Variants in ATG7 observed in about 807,000 individuals in gnomAD.
ATG7 encodes ubiquitin-like modifier-activating enzyme ATG7.
Under a neutral mutation model 82.4 loss-of-function variants are expected in ATG7, and 70 were observed. That is an observed-to-expected ratio of 0.85 (90% CI 0.70 to 1.04). ATG7 has a LOEUF of 1.04. ATG7 is among the 50% of genes least tolerant of loss of function. The probability of loss-of-function intolerance (pLI) is 0.00; values close to 1 mark genes in which losing one functional copy is unlikely to be tolerated. For synonymous variants in ATG7, 287 were observed against 313.0 expected (o/e 0.92, Z 0.88); for missense variants, 792 against 864.3 (o/e 0.92, Z 1.05).
At chr3:11,401,825 C>G (rs536536983) in intron 19 of ATG7, among the ~76,000 whole-genome samples, 2 of 152,300 alleles carry the variant, frequency 1.3e-5, no homozygotes, top group East Asian at 3.9e-4. Context: ...TTTTTCTTTG[C>G]TCTAGGGTCT....
At chr3:11,478,988 C>CAACACACACAAACACACACACA (rs548466925) in intron 20 of ATG7, among the ~76,000 whole-genome samples, 1 of 46,018 alleles carries the variant, frequency 2.2e-5, no homozygotes, top group Non-Finnish European at 3.6e-5. Context: ...TGTATATTTA[C>CAACACACACAAACACACACACA]AACACACACA....
intron 20 of ATG7, among the ~76,000 whole-genome samples, chr3:11,470,008 A>AAAAAAAAAAAAG (rs1399975005): frequency 2.1e-5 from 3 of 141,150 alleles, no homozygotes; most frequent in African/African-American, 8.0e-5. Flanking sequence ...AAAAAAAAAA[A>AAAAAAAAAAAAG]AGAGAGAGAG....
intron 7 of ATG7, among the ~76,000 whole-genome samples, chr3:11,312,893 C>A (rs577968062): frequency 6.6e-6 from 1 of 152,046 alleles, no homozygotes; most frequent in Non-Finnish European, 1.5e-5. Flanking sequence ...CTTCTCTGCC[C>A]CTTGCCATCT....
At chr3:11,385,832 A>C (rs73127256) in intron 19 of ATG7, among the ~76,000 whole-genome samples, 10,683 of 152,304 alleles carry the variant, frequency 0.07, 538 homozygotes, top group African/African-American at 0.15. Context: ...GAAGTTGTTT[A>C]GTAGAGCAGT....
chr3:11,545,710 C>G (rs2071221152), intron 20 of ATG7, among the ~76,000 whole-genome samples: 1 of 152,134 alleles, frequency 6.6e-6, no homozygotes, highest in Non-Finnish European at 1.5e-5. Flanking sequence ...GCGTGTGTCT[C>G]TCTGTTGTCA....
At chr3:11,492,245 C>G (rs1262074951) in intron 20 of ATG7, among the ~76,000 whole-genome samples, 1 of 152,196 alleles carries the variant, frequency 6.6e-6, no homozygotes, top group Non-Finnish European at 1.5e-5. Context: ...TCTGTCACCC[C>G]TTTCTTTGAC....
At chr3:11,427,112 T>C (rs1489865215) in intron 20 of ATG7, among the ~76,000 whole-genome samples, 186 bp downstream of exon 20, 5 of 152,204 alleles carry the variant, frequency 3.3e-5, no homozygotes, top group Admixed American at 2.6e-4. Flanking sequence ...CTGATGTGTG[T>C]AGGTTGCTGT....
chr3:11,399,585 CCTTCCTTTTTTG>C (rs1242733004), intron 19 of ATG7, among the ~76,000 whole-genome samples: 1 of 151,774 alleles, frequency 6.6e-6, no homozygotes, highest in Non-Finnish European at 1.5e-5. Flanking sequence ...TTCCTTCTTT[CCTTCCTTTTTTG>C]ACAGTCTCAC....
chr3:11,542,730 G>A lies in ATG7; in HGVS notation c.2080-12081G>A, dbSNP rs550653117. Among the ~76,000 whole-genome samples, 767 of 152,258 alleles carry A rather than the reference G, an allele frequency of 5.0e-3. 4 individuals carry two copies. The highest frequency in any genetic ancestry group is 7.7e-3 in the Non-Finnish European group (526 of 68,010). ...ATGACAGTCCCCTGGGCATCCTCCCGGGCACCCCCTCCCGGGCGTCAGGTC... is the reference window on the plus strand; with the variant it reads ...ATGACAGTCCCCTGGGCATCCTCCCAGGCACCCCCTCCCGGGCGTCAGGTC... On this transcript the variant is annotated intron_variant, in intron 20 of 20. Transcript: ENST00000693202.
chr3:11,574,698 C>T, the ATG7 span, among the ~76,000 whole-genome samples: 1 of 152,090 alleles, frequency 6.6e-6, no homozygotes, highest in African/African-American at 2.4e-5. Context: ...AGGCTAACCA[C>T]CCTGAGCTCA....
intron 20 of ATG7, among the ~76,000 whole-genome samples, chr3:11,535,695 C>T (rs2070214805): frequency 2.0e-5 from 3 of 152,104 alleles, no homozygotes; most frequent in Admixed American, 2.0e-4. Flanking sequence ...AACCAGGCTC[C>T]TTGGTAAAGA....
chr3:11,346,102 T>C (rs1329554522), intron 13 of ATG7, among the ~76,000 whole-genome samples: 1 of 152,232 alleles, frequency 6.6e-6, no homozygotes, highest in Non-Finnish European at 1.5e-5. Context: ...TTGCCCAGGC[T>C]GGACTGGACC....
chr3:11,365,265 T>G (rs1361104564), intron 18 of ATG7, among the ~76,000 whole-genome samples: 1 of 152,162 alleles, frequency 6.6e-6, no homozygotes, highest in East Asian at 1.9e-4. Context: ...TATTATTGAC[T>G]CTGAACCCAA....
rs374791586 is a variant in ATG7, at chr3:11,342,388, C to T, written c.1125+109C>T. 196 of 1,310,696 alleles carry T rather than the reference C, an allele frequency of 1.5e-4. 1 individual carries two copies. The South Asian group carries it at 2.5e-3, about 17-fold the overall frequency. The allele number at this position is 1,310,696 out of a possible 1,614,324, so 81.2% of individuals were successfully genotyped here. A position where few individuals can be genotyped will look rare whatever the true frequency, so the allele number is the denominator to read the frequency against. On this transcript the variant is annotated intron_variant, in intron 13 of 20. Coordinates refer to ENST00000693202, the MANE Select transcript of ATG7 (RefSeq NM_001349232.2). ...TCCCAGCTCCCCATCCCCTCCATCT[C>T]TCCCTCCCTTCCTTTTTCCTTTTCT...
At chr3:11,454,892 G>A (rs1322711840) in intron 20 of ATG7, among the ~76,000 whole-genome samples, 5 of 152,150 alleles carry the variant, frequency 3.3e-5, no homozygotes, top group African/African-American at 1.2e-4. Flanking sequence ...CTATAGGATA[G>A]CACTACTATA....
downstream of ATG7, chr3:11,558,894 C>T (rs1575339739): frequency 1.9e-6 from 3 of 1,559,140 alleles, no homozygotes; most frequent in South Asian, 3.5e-5. Context: ...ACGGTTGCAG[C>T]ACCCTCCCTC....
At chr3:11,475,909 C>CACCCA (rs1479988312) in intron 20 of ATG7, among the ~76,000 whole-genome samples, 2 of 104,698 alleles carry the variant, frequency 1.9e-5, no homozygotes, top group South Asian at 6.4e-4. Context: ...ACACACACAC[C>CACCCA]CCCTCCCAGA....
At chr3:11,372,371 A>C (rs2077060232) in intron 18 of ATG7, among the ~76,000 whole-genome samples, 1 of 150,934 alleles carries the variant, frequency 6.6e-6, no homozygotes, top group Admixed American at 6.6e-5. Flanking sequence ...AGGGAGAGGG[A>C]ATGGAGGTAA....
At chr3:11,477,850 A>G (rs6776159) in intron 20 of ATG7, among the ~76,000 whole-genome samples, 79,560 of 151,998 alleles carry the variant, frequency 0.52, 21,789 homozygotes, top group East Asian at 0.67. Flanking sequence ...CATTCTGAGA[A>G]TAGTCTTACA....
Sources: gnomAD v4.1 joint callset for allele counts (sites outside exome capture counted in the v4.1 genomes callset) on GRCh38, gnomAD v4.1.1 for gene constraint, MANE v1.5 for transcripts, NCBI Gene and HGNC (gene_info 2026-07-23, HGNC 2026-07-21) for gene names.